Variants in GAA observed in about 807,000 individuals in gnomAD.
The protein encoded by GAA is alpha glucosidase.
GAA carries 88 observed loss-of-function variants against 103.9 expected under a neutral mutation model. That is an observed-to-expected ratio of 0.85 (90% CI 0.71 to 1.01). GAA has a LOEUF of 1.01. Ranked by LOEUF, GAA falls within the 50% of genes least tolerant of loss-of-function variation. GAA has a pLI of 0.00. For missense variants in GAA, 1,350 were observed against 1,305.3 expected, an observed-to-expected ratio of 1.03 and a Z score of -0.53; for synonymous variants, 572 against 563.1, an observed-to-expected ratio of 1.02 and a Z score of -0.22.
Position 80,105,752 on chromosome 17 carries a change from A to G in GAA, c.550A>G (p.Lys184Glu). The change falls in exon 3 of 20, where the codon AAA becomes GAA. Residue 184 changes from lysine to glutamate, a missense_variant. Coordinates refer to ENST00000302262, the MANE Select transcript of GAA (RefSeq NM_000152.5). ...ETENRLHFTI[K>E]DPANRRYEVP... ...AATAAACCCCCATCTCTTCTAGATC[A>G]AAGATCCAGCTAACAGGCGCTACGA... The G allele has an allele frequency of 6.2e-7, 1 of 1,612,336 alleles. No homozygotes were observed. Among genetic ancestry groups the G allele is most frequent in the East Asian group, 2.2e-5 (1 of 44,890 alleles).
rs1366159150 is a variant in GAA at position 80,104,661 on chromosome 17, A to G, written c.75A>G (p.Ala25=). 6.2e-7 allele frequency: 1 copy of G among 1,612,884 alleles called. No individual in the cohort carries two copies. Among genetic ancestry groups the G allele is most frequent in the African/African-American group, 1.3e-5 (1 of 74,848 alleles). The part of the protein sequence containing the change: ...VCALVSLATA[A]LLGHILLHDF... ...CCCTCGTGTCCTTGGCAACCGCTGC[A>G]CTCCTGGGGCACATCCTACTCCATG... The change falls in exon 2 of 20, where the codon GCA becomes GCG. Residue 25 remains alanine, a synonymous_variant. Coordinates refer to ENST00000302262, the MANE Select transcript of GAA (RefSeq NM_000152.5). The surrounding 1 kb of genome is among the most constrained non-coding windows in gnomAD (Gnocchi z 4.0).
chr17:80,109,841 C>T (rs2039187201), intron 8 of GAA, 104 bp from the exon 9 acceptor site: 5 of 812,778 alleles, frequency 6.2e-6, no homozygotes, highest in Non-Finnish European at 6.3e-6. Context: ...TGTACACACG[C>T]ATGATGTCAT....
rs76604157 is a variant in GAA, at chr17:80,109,736, C to T, written c.1327-209C>T. On this transcript the variant is annotated intron_variant, in intron 8 of 19. Transcript: ENST00000302262. ...TAAAGGTAAAGCTTCCATTCCGGCG[C>T]GCCCCTCATCAGCCAGCTGGTCCTG... 2.2e-3 allele frequency among the ~76,000 whole-genome samples: 340 copies of T among 152,278 alleles called. 16 individuals are homozygous for T. The East Asian group carries it at 0.059, about 26-fold the overall frequency.
At chr17:80,116,894 T>C in intron 15 of GAA, 74 bp from the exon 16 acceptor site, 1 of 1,556,998 alleles carries the variant, frequency 6.4e-7, no homozygotes, top group Non-Finnish European at 8.8e-7. Flanking sequence ...TTCCTGTGCC[T>C]CCCCAGGGTG....
At chr17:80,117,777 G>A in intron 17 of GAA, 28 bp downstream of exon 17, 1 of 1,592,554 alleles carries the variant, frequency 6.3e-7, no homozygotes, top group African/African-American at 1.3e-5. Flanking sequence ...CTATGGTGGG[G>A]GTGTGGACAG....
rs779647712 is a variant in GAA, at chr17:80,113,035, G to C, written c.2040+8G>C. The C allele has an allele frequency of 1.2e-6, 2 of 1,607,070 alleles. No individual in the cohort carries two copies. Among genetic ancestry groups the C allele is most frequent in the African/African-American group, 1.3e-5 (1 of 74,960 alleles). ...AACAGCCTGCTCAGTCTGGTAGGGT[G>C]GGGGTGGCGGCATGGCAGGTGGGCG... is the stretch of plus-strand genomic sequence containing the variant. On this transcript the variant is annotated splice_region_variant and intron_variant, in intron 14 of 19. Transcript: ENST00000302262.
intron 3 of GAA, among the ~76,000 whole-genome samples, chr17:80,106,984 G>C (rs549859543): frequency 6.6e-6 from 1 of 152,318 alleles, no homozygotes; most frequent in East Asian, 1.9e-4. Flanking sequence ...GTCTTGCCCA[G>C]GGGAGGGTGG....
chr17:80,118,520 C>T, intron 18 of GAA, 133 bp from the exon 19 acceptor site: 1 of 1,370,872 alleles, frequency 7.3e-7, no homozygotes, highest in East Asian at 2.3e-5. Context: ...TGCACTCTGC[C>T]CTTTCGTGTA....
Position 80,112,697 on chromosome 17 carries a change from C to G in GAA, c.1874C>G (p.Ala625Gly). Residue 625 changes from alanine to glycine, a missense_variant, in exon 13 of 20, where the codon GCC becomes GGC. Physicochemically the swap from Ala to Gly is moderately conservative, Grantham distance 60. Transcript: ENST00000302262. ...GTGTGGAGCTCCTGGGAGCAGCTCG[C>G]CTCCTCCGTGCCAGGTGAGCTCCTA... ...GDVWSSWEQL[A>G]SSVPEILQFN... 6.2e-7 allele frequency: 1 copy of G among 1,608,944 alleles called. No individual in the cohort carries two copies. Among genetic ancestry groups the G allele is most frequent in the South Asian group, 1.1e-5 (1 of 90,268 alleles).
rs1598578411 is a variant in GAA at position 80,108,831 on chromosome 17, G to A, written c.1326+3G>A. On this transcript the variant is annotated splice_donor_region_variant and intron_variant, in intron 8 of 19. Transcript: ENST00000302262. ...GCCGGCGCTACATGATGATCGTGGT[G>A]TGTGCCCCCACACTGTGGGTCTTTG... 1.9e-6 allele frequency: 3 copies of A among 1,587,286 alleles called. No individual in the cohort carries two copies. The highest frequency in any genetic ancestry group is 1.3e-5 in the African/African-American group (1 of 74,506).
intron 3 of GAA, among the ~76,000 whole-genome samples, chr17:80,107,017 G>A (rs974356808): frequency 7.2e-5 from 11 of 152,164 alleles, no homozygotes; most frequent in Admixed American, 5.9e-4. Flanking sequence ...CCCGTCCTGC[G>A]AAATTAGCTG....
At position 80,104,832 on chromosome 17, in the gene GAA, C is replaced by T. The variant is rs749584846; in HGVS notation, c.246C>T (p.Cys82=). Reference sequence around the variant, plus strand: ...GTCCCAGAGCAGTGCCCACACAGTGCGACGTCCCCCCCAACAGCCGCTTCG... The same window carrying T: ...GTCCCAGAGCAGTGCCCACACAGTGTGACGTCCCCCCCAACAGCCGCTTCG... ...PGRPRAVPTQ[C]DVPPNSRFDC... The change falls in exon 2 of 20, where the codon TGC becomes TGT. Residue 82 remains cysteine (C), a synonymous_variant. Coordinates refer to ENST00000302262, the MANE Select transcript of GAA (RefSeq NM_000152.5). This position sits in a 1 kb window ranked among gnomAD's most constrained non-coding sequence, Gnocchi z 4.0. 1.7e-5 allele frequency: 28 copies of T among 1,612,268 alleles called. No individual in the cohort carries two copies. The highest frequency in any genetic ancestry group is 1.6e-4 in the Middle Eastern group (1 of 6,082).
At chr17:80,116,931 C>A in intron 15 of GAA, 37 bp from the exon 16 acceptor site, 3 of 1,612,850 alleles carry the variant, frequency 1.9e-6, no homozygotes, top group South Asian at 2.2e-5. Flanking sequence ...CCATCCCATT[C>A]ATCACCCGTA....
rs142967546 is a variant in GAA at position 80,107,705 on chromosome 17, C to T, written c.841C>T (p.Arg281Trp). The change falls in exon 4 of 20, where the codon CGG (arginine) becomes TGG (tryptophan). Residue 281 changes from arginine to tryptophan, a missense_variant. Arg to Trp is a moderately radical substitution (Grantham distance 101). Coordinates refer to ENST00000302262, the MANE Select transcript of GAA (RefSeq NM_000152.5). ...TSWTRITLWN[R>W]DLAPTPGANL... The stretch of plus-strand genomic sequence containing the variant: ...CTGGACCAGGATCACCCTGTGGAAC[C>T]GGGACCTTGCGCCCACGGTACAGCG... 5.2e-4 allele frequency: 840 copies of T among 1,610,698 alleles called. 1 individual carries two copies. The highest frequency in any genetic ancestry group is 6.6e-4 in the Non-Finnish European group (779 of 1,179,218).
Position 80,119,496 on chromosome 17 carries a change from C to G in GAA, c.*165C>G. On this transcript the variant is annotated 3_prime_UTR_variant, in exon 20 of 20. Transcript: ENST00000302262. The stretch of plus-strand genomic sequence containing the variant: ...CATCGCTTGTTTCCACCTCCTGGGC[C>G]GGGGCTCTGGCCCCCAACGTGTCTA... 4 of 685,676 alleles carry G rather than the reference C, an allele frequency of 5.8e-6. No individual in the cohort carries two copies. The highest frequency in any genetic ancestry group is 1.1e-5 in the Non-Finnish European group (4 of 378,810). The allele number at this position is 685,676 out of a possible 1,614,324, so 42.5% of individuals were successfully genotyped here. A position where few individuals can be genotyped will look rare whatever the true frequency, so the allele number is the denominator to read the frequency against.
At chr17:80,114,757 ACTT>A (rs1410516322) in intron 15 of GAA, among the ~76,000 whole-genome samples, 1 of 152,076 alleles carries the variant, frequency 6.6e-6, no homozygotes, top group African/African-American at 2.4e-5. Flanking sequence ...TGTGGCTTTG[ACTT>A]CTTGTCTAAC....
intron 8 of GAA, 62 bp downstream of exon 8, chr17:80,108,890 C>T: frequency 1.3e-6 from 2 of 1,531,566 alleles, no homozygotes; most frequent in Non-Finnish European, 1.8e-6. Context: ...GTGGCTCCTT[C>T]TCTGTGCAGC....
chr17:80,112,167 G>C, intron 12 of GAA, 67 bp downstream of exon 12: 1 of 1,480,344 alleles, frequency 6.8e-7, no homozygotes, highest in Non-Finnish European at 9.4e-7. Context: ...TGGGGCCTCT[G>C]CAGGGCCTCA....
intron 9 of GAA, among the ~76,000 whole-genome samples, chr17:80,110,371 TGAGG>T (rs2039203259): frequency 6.6e-6 from 1 of 152,162 alleles, no homozygotes; most frequent in Non-Finnish European, 1.5e-5. Flanking sequence ...GGGCCCCCGC[TGAGG>T]GAGCAGCTAG....
Sources: allele counts gnomAD v4.1 joint callset (sites outside exome capture counted in the v4.1 genomes callset), GRCh38; gene constraint gnomAD v4.1.1; non-coding constraint Gnocchi (gnomAD v3.1); transcripts MANE v1.5; gene names NCBI Gene and HGNC (gene_info 2026-07-23, HGNC 2026-07-21).